The following TLCD4 variants were observed in gnomAD, a reference collection of about 807,000 sequenced individuals.
The protein encoded by TLCD4 is TLC domain-containing protein 4.
TLCD4 carries 7 observed loss-of-function variants against 24.2 expected under a neutral mutation model. The ratio of observed to expected loss-of-function variants is 0.29; its 90% CI spans 0.16 to 0.54. The LOEUF (loss-of-function observed/expected upper bound fraction) is 0.54. TLCD4 is among the 20% of genes least tolerant of loss of function. TLCD4 has a pLI of 0.95. For missense variants in TLCD4, 259 were observed against 313.9 expected (o/e 0.82, Z 1.32); for synonymous variants, 103 against 106.4 (o/e 0.97, Z 0.20).
At chr1:95,174,135 T>C in intron 6 of TLCD4, 1 of 510,600 alleles carries the variant, frequency 2.0e-6, no homozygotes, top group South Asian at 2.7e-5. Context: ...CGATGGTGCT[T>C]TATGATGCCT....
the TLCD4 span, among the ~76,000 whole-genome samples, chr1:95,105,740 A>G: frequency 6.6e-6 from 1 of 151,798 alleles, no homozygotes; most frequent in South Asian, 2.1e-4. Flanking sequence ...CTAAAAATAC[A>G]AAAAATTAGC....
intron 5 of TLCD4, among the ~76,000 whole-genome samples, chr1:95,151,665 C>G (rs753966191): frequency 5.9e-5 from 9 of 152,086 alleles, no homozygotes; most frequent in Non-Finnish European, 1.2e-4. Context: ...GACCCTAATT[C>G]TTTGAATTTC....
intron 6 of TLCD4, among the ~76,000 whole-genome samples, chr1:95,180,369 A>G (rs562724647): frequency 1.6e-4 from 24 of 152,244 alleles, no homozygotes; most frequent in African/African-American, 5.5e-4. Context: ...CCTGTTAAGA[A>G]AATGAGAACT....
chr1:95,110,426 CCAA>C, the TLCD4 span, among the ~76,000 whole-genome samples: 2 of 151,940 alleles, frequency 1.3e-5, no homozygotes, highest in African/African-American at 2.4e-5. Context: ...AAAATTTCAT[CCAA>C]CAACAAGATC....
chr1:95,112,124 C>T, the TLCD4 span, among the ~76,000 whole-genome samples: 1 of 152,098 alleles, frequency 6.6e-6, no homozygotes, highest in Non-Finnish European at 1.5e-5. Context: ...GGCTTCTACT[C>T]ACTAGATGCC....
At chr1:95,154,944 G>A (rs974029617) in intron 5 of TLCD4, among the ~76,000 whole-genome samples, 10 of 150,902 alleles carry the variant, frequency 6.6e-5, no homozygotes, top group Non-Finnish European at 1.3e-4. Flanking sequence ...ACACGGTCAC[G>A]TTTTTACACA....
intron 6 of TLCD4, among the ~76,000 whole-genome samples, chr1:95,179,651 A>G (rs1200079350): frequency 6.6e-6 from 1 of 152,188 alleles, no homozygotes; most frequent in African/African-American, 2.4e-5. Flanking sequence ...AGCCTACAAC[A>G]TAGCTTAAGA....
the TLCD4 span, among the ~76,000 whole-genome samples, chr1:95,093,521 G>A: frequency 1.3e-5 from 2 of 152,180 alleles, no homozygotes; most frequent in Admixed American, 1.3e-4. Context: ...TGAGCTGGCT[G>A]CAGAAAGTAG....
intron 5 of TLCD4, among the ~76,000 whole-genome samples, chr1:95,159,806 A>G (rs1557688219): frequency 6.6e-6 from 1 of 152,186 alleles, no homozygotes; most frequent in Non-Finnish European, 1.5e-5. Flanking sequence ...CTCAAAGATC[A>G]GATGGTTGTA....
chr1:95,106,616 G>A, the TLCD4 span, among the ~76,000 whole-genome samples: 11 of 152,220 alleles, frequency 7.2e-5, no homozygotes, highest in East Asian at 3.9e-4. Context: ...TTGCTTGAAC[G>A]TGGGATGTGG....
intron 5 of TLCD4, among the ~76,000 whole-genome samples, chr1:95,165,948 T>C (rs184159662): frequency 6.6e-6 from 1 of 152,282 alleles, no homozygotes; most frequent in Non-Finnish European, 1.5e-5. Flanking sequence ...TAGAAGAGTC[T>C]TTACCTGAGC....
chr1:95,153,567 C>T (rs1254383782), intron 5 of TLCD4, among the ~76,000 whole-genome samples: 3 of 152,136 alleles, frequency 2.0e-5, no homozygotes, highest in Non-Finnish European at 4.4e-5. Flanking sequence ...TTTATCACAT[C>T]TGCTAAAACA....
chr1:95,188,668 C>T (rs1290807187), intron 6 of TLCD4, among the ~76,000 whole-genome samples: 2 of 152,084 alleles, frequency 1.3e-5, no homozygotes, highest in African/African-American at 4.8e-5. Flanking sequence ...GAGTTTTGGA[C>T]CTGGAGAGCT....
At chr1:95,166,874 A>T (rs539014663) in intron 5 of TLCD4, among the ~76,000 whole-genome samples, 155 of 152,088 alleles carry the variant, frequency 1.0e-3, no homozygotes, top group Admixed American at 2.6e-3. Context: ...GACTATAGGC[A>T]CACGCCACCA....
intron 2 of TLCD4, 98 bp downstream of exon 2, chr1:95,144,154 T>C (rs1024360979): frequency 2.4e-5 from 29 of 1,212,960 alleles, no homozygotes; most frequent in Middle Eastern, 3.2e-4. Flanking sequence ...GGATCTAATG[T>C]AAGGCCAAAT....
intron 1 of TLCD4, among the ~76,000 whole-genome samples, chr1:95,143,217 G>A (rs1304778958): frequency 6.6e-6 from 1 of 152,110 alleles, no homozygotes; most frequent in East Asian, 1.9e-4. Flanking sequence ...TGTTAGTTAG[G>A]TGTGTAAAGT....
At chr1:95,154,328 G>T (rs999018229) in intron 5 of TLCD4, among the ~76,000 whole-genome samples, 1 of 152,168 alleles carries the variant, frequency 6.6e-6, no homozygotes, top group Non-Finnish European at 1.5e-5. Context: ...AAGAAGGCAC[G>T]TGGCCCAGTC....
chr1:95,093,839 T>C, the TLCD4 span, among the ~76,000 whole-genome samples: 1 of 152,218 alleles, frequency 6.6e-6, no homozygotes, highest in Non-Finnish European at 1.5e-5. Flanking sequence ...CAAACTGAAA[T>C]TATTTCCTTT....
intron 1 of TLCD4, chr1:95,125,737 T>C (rs1271838266): frequency 1.3e-5 from 2 of 152,204 alleles, no homozygotes; most frequent in African/African-American, 2.4e-5. Flanking sequence ...GCAGGGCCCT[T>C]AGGCCAAGGG....
Sources: gnomAD v4.1 joint callset for allele counts (sites outside exome capture counted in the v4.1 genomes callset) on GRCh38, gnomAD v4.1.1 for gene constraint, MANE v1.5 for transcripts, NCBI Gene and HGNC (gene_info 2026-07-23, HGNC 2026-07-21) for gene names.